The following FBXO34 variants were observed in gnomAD, a reference collection of about 807,000 sequenced individuals.
FBXO34 encodes F-box only protein 34.
Under a neutral mutation model 24.5 loss-of-function variants are expected in FBXO34, and 12 were observed. That is an observed-to-expected ratio of 0.49 (90% CI 0.31 to 0.79). The LOEUF is 0.79. FBXO34 is among the 30% of genes least tolerant of loss of function. The pLI, the probability that FBXO34 is intolerant of heterozygous loss-of-function variation, is 0.04. For synonymous variants in FBXO34, 320 were observed against 311.9 expected (o/e 1.03, Z -0.27); for missense variants, 823 against 857.7 (o/e 0.96, Z 0.51).
chr14:55,309,868 A>G (rs1336495971), intron 1 of FBXO34, among the ~76,000 whole-genome samples: 1 of 152,134 alleles, frequency 6.6e-6, no homozygotes, highest in Non-Finnish European at 1.5e-5. Context: ...TCCATTCGTA[A>G]TGCATTTATC....
At chr14:55,439,613 A>ACC in the FBXO34 span, among the ~76,000 whole-genome samples, 15 of 47,984 alleles carry the variant, frequency 3.1e-4, no homozygotes, top group African/African-American at 9.4e-4. Flanking sequence ...GAGAAAAGCA[A>ACC]ACCCCCCCCC....
chr14:55,428,117 ATCT>A, the FBXO34 span, among the ~76,000 whole-genome samples: 9 of 48,330 alleles, frequency 1.9e-4, 1 homozygote, highest in Non-Finnish European at 3.7e-4. Flanking sequence ...CACATGCCTT[ATCT>A]TTTTTTTTTT....
chr14:55,278,093 G>T (rs1881404237), intron 1 of FBXO34, among the ~76,000 whole-genome samples: 1 of 151,894 alleles, frequency 6.6e-6, no homozygotes, highest in Admixed American at 6.6e-5. Flanking sequence ...AACTTCCTTG[G>T]GTAGGACTGT....
At chr14:55,314,497 G>C (rs898008950) in intron 1 of FBXO34, among the ~76,000 whole-genome samples, 1 of 151,558 alleles carries the variant, frequency 6.6e-6, no homozygotes, top group South Asian at 2.1e-4. Flanking sequence ...TAAATGTTTT[G>C]TCTCCCCTTG....
At chr14:55,440,349 C>T in the FBXO34 span, 4 of 1,609,408 alleles carry the variant, frequency 2.5e-6, no homozygotes, top group Non-Finnish European at 3.4e-6. Context: ...GGCACAGGAC[C>T]GGGCGGGACT....
downstream of FBXO34, among the ~76,000 whole-genome samples, chr14:55,358,284 C>T (rs373217437): frequency 2.0e-5 from 3 of 152,232 alleles, no homozygotes; most frequent in African/African-American, 7.2e-5. Flanking sequence ...ATTTCTAAGT[C>T]TGTGCTCCAT....
At chr14:55,396,112 T>C in the FBXO34 span, 13 of 603,518 alleles carry the variant, frequency 2.2e-5, no homozygotes, top group South Asian at 4.6e-4. Context: ...GGACTTAGCA[T>C]TTAAAGTGTT....
chr14:55,365,633 T>G (rs779704812), downstream of FBXO34, among the ~76,000 whole-genome samples: 1 of 152,152 alleles, frequency 6.6e-6, no homozygotes, highest in African/African-American at 2.4e-5. Context: ...TGGAGAAATC[T>G]CCCTTTAAAC....
intron 1 of FBXO34, among the ~76,000 whole-genome samples, chr14:55,338,906 A>G (rs1883887686): frequency 7.9e-6 from 1 of 126,550 alleles, no homozygotes; most frequent in African/African-American, 2.8e-5. Context: ...ACTCCATCTC[A>G]AAAACAAAAA....
intron 1 of FBXO34, among the ~76,000 whole-genome samples, chr14:55,288,115 G>T (rs1294107472): frequency 6.6e-6 from 1 of 152,136 alleles, no homozygotes; most frequent in Non-Finnish European, 1.5e-5. Flanking sequence ...TCCTTTGTGG[G>T]TTTAAATATA....
At chr14:55,372,971 A>G (rs527338140), downstream of FBXO34, among the ~76,000 whole-genome samples, 2 of 152,282 alleles carry the variant, frequency 1.3e-5, no homozygotes, top group East Asian at 1.9e-4. Flanking sequence ...TTTGGTTCCA[A>G]TGATCAACCT....
chr14:55,283,424 T>C (rs892440145), intron 1 of FBXO34, among the ~76,000 whole-genome samples: 2 of 152,138 alleles, frequency 1.3e-5, no homozygotes, highest in African/African-American at 4.8e-5. Flanking sequence ...ATATTTATAT[T>C]CTTTGGCAAA....
At chr14:55,369,277 ACCCATATCTGTGGGCCCGGTGGCCCGGG>A (rs1884755670), downstream of FBXO34, 2 of 180,624 alleles carry the variant, frequency 1.1e-5, no homozygotes, top group Non-Finnish European at 2.2e-5. Context: ...CAGCACACTG[ACCCATATCTGTGGGCCCGGTGGCCCGGG>A]CCCAGAGGGA....
In FBXO34 at chr14:55,315,861, T is replaced by C. The variant is rs549596068; in HGVS notation, c.-10-34520T>C. Among the ~76,000 whole-genome samples, 3 of 152,288 alleles carry C rather than the reference T, an allele frequency of 2.0e-5. No individual in the cohort carries two copies. The East Asian group carries it at 5.8e-4, about 29-fold the overall frequency. ...GAGGAATCCTTTCCATCATTGTGAGTAATTATGAACCCCTGCAATCTGGCA... is the reference window on the plus strand; with the variant it reads ...GAGGAATCCTTTCCATCATTGTGAGCAATTATGAACCCCTGCAATCTGGCA... On this transcript the variant is annotated intron_variant, in intron 1 of 1. Transcript: ENST00000313833.
chr14:55,303,544 T>A (rs1262012335), intron 1 of FBXO34, among the ~76,000 whole-genome samples: 1 of 151,842 alleles, frequency 6.6e-6, no homozygotes, highest in Non-Finnish European at 1.5e-5. Flanking sequence ...TTTTATCAAG[T>A]ATCACAAAGT....
At chr14:55,382,271 A>G in the FBXO34 span, 1 of 1,295,114 alleles carries the variant, frequency 7.7e-7, no homozygotes, top group Non-Finnish European at 1.1e-6. Flanking sequence ...GACATGCTAG[A>G]ACATCGAAAA....
exon 3 of FBXO34, chr14:55,367,856 A>C (rs1245735802): frequency 1.3e-5 from 2 of 152,248 alleles, no homozygotes; most frequent in Non-Finnish European, 2.9e-5. Flanking sequence ...CCGTTCTGCA[A>C]CTCTACCCAA....
chr14:55,424,143 T>C, the FBXO34 span: 1 of 1,587,784 alleles, frequency 6.3e-7, no homozygotes. Context: ...AGTCAGAAAA[T>C]AATCTTAGCA....
intron 3 of FBXO34, among the ~76,000 whole-genome samples, chr14:55,358,729 T>TGGGGTAGTAGTGGGC (rs1236011430): frequency 6.6e-6 from 1 of 151,972 alleles, no homozygotes; most frequent in South Asian, 2.1e-4. Flanking sequence ...TAGTAGTGGG[T>TGGGGTAGTAGTGGGC]GGGGTAGTAG....
Sources: allele counts gnomAD v4.1 joint callset (sites outside exome capture counted in the v4.1 genomes callset), GRCh38; gene constraint gnomAD v4.1.1; transcripts MANE v1.5; gene names NCBI Gene and HGNC (gene_info 2026-07-23, HGNC 2026-07-21).